SPOCK3: variants seen among roughly 807,000 people sequenced by gnomAD.
The protein encoded by SPOCK3 is testican-3.
A neutral mutation model predicts 56.6 loss-of-function variants in SPOCK3; 30 were observed. That is an observed-to-expected ratio of 0.53 (90% CI 0.40 to 0.72). The LOEUF is 0.72. Ranked by LOEUF, SPOCK3 falls within the 30% of genes least tolerant of loss-of-function variation. The pLI is 0.00. For synonymous variants in SPOCK3, 196 were observed against 183.3 expected (o/e 1.07, Z -0.56); for missense variants, 527 against 530.0 (o/e 0.99, Z 0.06).
chr4:166,955,911 C>A (rs1007467777), intron 4 of SPOCK3, among the ~76,000 whole-genome samples: 3 of 151,846 alleles, frequency 2.0e-5, no homozygotes, highest in African/African-American at 7.3e-5. Flanking sequence ...TTGAATCTCA[C>A]ATCATCAAAT....
In SPOCK3 at chr4:166,954,887, C is replaced by A. The variant is rs569251381; in HGVS notation, c.351-42144G>T. 1.1e-4 allele frequency among the ~76,000 whole-genome samples: 17 copies of A among 152,236 alleles called. No homozygotes were observed. In the East Asian group the frequency reaches 3.1e-3, roughly 28 times the overall value. On this transcript the variant is annotated intron_variant, in intron 4 of 10. Transcript: ENST00000357545. ...CTGTAGATATGCCCTTCCTGAATAT[C>A]CCATGTCAATTACGTCATTCAACAT...
rs371991864 is a variant in SPOCK3 at position 167,147,171 on chromosome 4, T to C, written c.190-84634A>G. 6.5e-4 allele frequency among the ~76,000 whole-genome samples: 99 copies of C among 152,236 alleles called. 3 individuals carry two copies. In the South Asian group the frequency reaches 8.3e-3, roughly 13 times the overall value. On this transcript the variant is annotated intron_variant, in intron 2 of 10. Coordinates refer to ENST00000357545, the MANE Select transcript of SPOCK3 (RefSeq NM_001040159.2). Reference sequence around the variant, plus strand: ...AGAAATACAAACTACCATCAGAGAATATTATAATACCTCTATGCAAATAAA... The same window carrying C: ...AGAAATACAAACTACCATCAGAGAACATTATAATACCTCTATGCAAATAAA...
chr4:167,136,785 G>A (rs1030337571), intron 2 of SPOCK3, among the ~76,000 whole-genome samples: 3 of 152,068 alleles, frequency 2.0e-5, no homozygotes, highest in Non-Finnish European at 2.9e-5. Context: ...GCAATGGAAT[G>A]TATACAGAAT....
At chr4:166,841,447 A>G (rs981604908) in intron 6 of SPOCK3, among the ~76,000 whole-genome samples, 2 of 152,196 alleles carry the variant, frequency 1.3e-5, no homozygotes, top group Admixed American at 6.5e-5. Context: ...AAGTAAGAAA[A>G]AAAGATTATT....
intron 4 of SPOCK3, among the ~76,000 whole-genome samples, chr4:166,913,962 T>C (rs1362969476): frequency 6.6e-6 from 1 of 152,136 alleles, no homozygotes; most frequent in Non-Finnish European, 1.5e-5. Context: ...TGAAAAACAG[T>C]TGGCACAATA....
At chr4:166,883,594 C>T (rs1258289779) in intron 6 of SPOCK3, among the ~76,000 whole-genome samples, 1 of 152,158 alleles carries the variant, frequency 6.6e-6, no homozygotes, top group Non-Finnish European at 1.5e-5. Context: ...AAACTTGTGT[C>T]TGGTGTGGGT....
chr4:166,804,215 G>C (rs2126700263), intron 6 of SPOCK3, among the ~76,000 whole-genome samples: 1 of 152,246 alleles, frequency 6.6e-6, no homozygotes, highest in Admixed American at 6.5e-5. Flanking sequence ...CTGGGTGAAA[G>C]ATAAATAACA....
At chr4:167,166,896 A>G (rs940248861) in intron 2 of SPOCK3, among the ~76,000 whole-genome samples, 4 of 152,126 alleles carry the variant, frequency 2.6e-5, no homozygotes, top group African/African-American at 9.6e-5. Context: ...TAAGAAAGAA[A>G]CTGAGTCTTT....
intron 3 of SPOCK3, among the ~76,000 whole-genome samples, chr4:167,039,397 C>A (rs1037441073): frequency 7.9e-5 from 12 of 152,128 alleles, no homozygotes; most frequent in African/African-American, 2.7e-4. Context: ...ACTGATCTTA[C>A]CTTACTTCAT....
At chr4:166,887,570 TG>T (rs1415608145) in intron 6 of SPOCK3, among the ~76,000 whole-genome samples, 1 of 152,072 alleles carries the variant, frequency 6.6e-6, no homozygotes, top group Non-Finnish European at 1.5e-5. Context: ...TTTGATTATC[TG>T]GGGGCTAATT....
At chr4:167,101,702 T>A (rs1350210525) in intron 2 of SPOCK3, among the ~76,000 whole-genome samples, 4 of 150,166 alleles carry the variant, frequency 2.7e-5, no homozygotes. Context: ...CTTCAATTCA[T>A]AATTCTTACT....
chr4:166,937,750 T>C lies in SPOCK3; in HGVS notation c.351-25007A>G, dbSNP rs1367229535. Among the ~76,000 whole-genome samples the C allele has an allele frequency of 1.0e-4, 14 of 134,000 alleles. No individual in the cohort carries two copies. In the South Asian group the frequency reaches 3.0e-3, roughly 29 times the overall value. The allele number at this position is 134,000 out of a possible 152,430, so 87.9% of individuals were successfully genotyped here. On this transcript the variant is annotated intron_variant, in intron 4 of 10. Transcript: ENST00000357545. ...GAGATTATATATATTTTTTCTTTTT[T>C]CTATTTTTTTTTCTTTTTTTTTTTT...
At chr4:166,863,669 A>G (rs1403269734) in intron 6 of SPOCK3, among the ~76,000 whole-genome samples, 1 of 152,206 alleles carries the variant, frequency 6.6e-6, no homozygotes, top group Non-Finnish European at 1.5e-5. Context: ...CTTTAAACCA[A>G]CAAAGATCAA....
chr4:167,128,613 G>A (rs989207741), intron 2 of SPOCK3, among the ~76,000 whole-genome samples: 4 of 152,150 alleles, frequency 2.6e-5, no homozygotes, highest in African/African-American at 9.7e-5. Context: ...ATTGTCTTGG[G>A]CCACACATAA....
chr4:167,061,516 G>A (rs952256347), intron 3 of SPOCK3, among the ~76,000 whole-genome samples: 3 of 151,960 alleles, frequency 2.0e-5, no homozygotes, highest in Non-Finnish European at 4.4e-5. Flanking sequence ...CAATGTTGAT[G>A]ATGGTCTATG....
intron 6 of SPOCK3, among the ~76,000 whole-genome samples, chr4:166,837,069 C>A (rs1258585341): frequency 6.6e-6 from 1 of 152,172 alleles, no homozygotes; most frequent in Non-Finnish European, 1.5e-5. Flanking sequence ...ATAAAGACTG[C>A]CTCACCATCT....
chr4:166,802,492 C>T (rs1488919807), intron 6 of SPOCK3, among the ~76,000 whole-genome samples: 1 of 152,174 alleles, frequency 6.6e-6, no homozygotes, highest in East Asian at 1.9e-4. Flanking sequence ...GGCCCCCTTC[C>T]TAGACGGCAT....
chr4:167,197,697 C>T (rs1472934506), intron 2 of SPOCK3, among the ~76,000 whole-genome samples: 2 of 152,000 alleles, frequency 1.3e-5, no homozygotes, highest in Non-Finnish European at 2.9e-5. Context: ...ATCAGGTTTG[C>T]CCCAATTAGC....
At chr4:167,123,163 A>G (rs953506539) in intron 2 of SPOCK3, among the ~76,000 whole-genome samples, 3 of 152,046 alleles carry the variant, frequency 2.0e-5, no homozygotes, top group Non-Finnish European at 4.4e-5. Flanking sequence ...ACAAGAACAT[A>G]GAAAAGTTGA....
Sources: allele counts gnomAD v4.1 joint callset (sites outside exome capture counted in the v4.1 genomes callset), GRCh38; gene constraint gnomAD v4.1.1; transcripts MANE v1.5; gene names NCBI Gene and HGNC (gene_info 2026-07-23, HGNC 2026-07-21).